NCOA1: variants seen among roughly 807,000 people sequenced by gnomAD.
NCOA1 encodes nuclear receptor coactivator 1, also known as Hin-2 protein.
A neutral mutation model predicts 150.9 loss-of-function variants in NCOA1; 35 were observed. The ratio of observed to expected loss-of-function variants is 0.23; its 90% confidence interval spans 0.18 to 0.31. NCOA1 has a LOEUF of 0.31. NCOA1 is among the 10% of genes least tolerant of loss of function. The probability of loss-of-function intolerance (pLI) is 1.00; values close to 1 mark genes in which losing one functional copy is unlikely to be tolerated. For missense variants in NCOA1, 1,491 were observed against 1,749.3 expected (o/e 0.85, Z 2.63); for synonymous variants, 590 against 630.0 (o/e 0.94, Z 0.95).
chr2:24,536,555 T>G (rs1265079441), intron 1 of NCOA1, among the ~76,000 whole-genome samples: 1 of 152,192 alleles, frequency 6.6e-6, no homozygotes, highest in African/African-American at 2.4e-5. Flanking sequence ...GAAACCAGCT[T>G]TTCTGCTCTG....
In NCOA1 at chr2:24,621,432, A is replaced by ATTTTTTTTTTTT. The variant is rs1162282258; in HGVS notation, c.-174-22512_-174-22501dup. Among the ~76,000 whole-genome samples, 23 of 38,892 alleles carry ATTTTTTTTTTTT rather than the reference A, an allele frequency of 5.9e-4. 4 individuals carry two copies. The highest frequency in any genetic ancestry group is 7.0e-4 in the African/African-American group (6 of 8,606). The allele number at this position is 38,892 out of a possible 152,430, so 25.5% of individuals were successfully genotyped here. A position where few individuals can be genotyped will look rare whatever the true frequency, so the allele number is the denominator to read the frequency against. On this transcript the variant is annotated intron_variant, in intron 3 of 22. Coordinates refer to ENST00000348332, the MANE Select transcript of NCOA1 (RefSeq NM_003743.5). Reference sequence around the variant, plus strand: ...TTGTGTTATGTGTGTATTCAGGCAGATTTTTTTTTTTTTTTTTTTTTTTTT... The same window carrying ATTTTTTTTTTTT: ...TTGTGTTATGTGTGTATTCAGGCAGATTTTTTTTTTTTTTTTTTTTTTTTTTTTTTTTTTTTT...
chr2:24,531,494 C>A (rs566322742), intron 1 of NCOA1, among the ~76,000 whole-genome samples: 67 of 152,224 alleles, frequency 4.4e-4, no homozygotes, highest in African/African-American at 1.6e-3. Flanking sequence ...TACATGTGCA[C>A]ATGTGTACCT....
intron 3 of NCOA1, among the ~76,000 whole-genome samples, chr2:24,610,287 C>A (rs1161247807): frequency 6.6e-6 from 1 of 151,822 alleles, no homozygotes; most frequent in African/African-American, 2.4e-5. Flanking sequence ...CCACGCCCAG[C>A]TAATTTTTTG....
intron 13 of NCOA1, 109 bp from the exon 14 acceptor site, chr2:24,710,822 C>G: frequency 9.4e-7 from 1 of 1,064,636 alleles, no homozygotes; most frequent in Admixed American, 2.5e-5. Flanking sequence ...TCTTCATTAT[C>G]TCAAAGTCAC....
chr2:24,504,253 C>T (rs901740940), intron 1 of NCOA1, among the ~76,000 whole-genome samples: 4 of 152,124 alleles, frequency 2.6e-5, no homozygotes, highest in African/African-American at 9.7e-5. Flanking sequence ...ATGGCATAGT[C>T]CCATGGAACA....
chr2:24,722,502 T>A (rs571678995), intron 14 of NCOA1, among the ~76,000 whole-genome samples: 7 of 152,290 alleles, frequency 4.6e-5, no homozygotes, highest in South Asian at 4.1e-4. Flanking sequence ...CTGTTTTTTT[T>A]AAATCAAAAA....
chr2:24,548,489 C>T (rs1665695531), intron 1 of NCOA1, among the ~76,000 whole-genome samples: 1 of 152,212 alleles, frequency 6.6e-6, no homozygotes, highest in Non-Finnish European at 1.5e-5. Context: ...CATTTCAAAA[C>T]CAATTATGCC....
At chr2:24,765,072 G>T (rs55912599) in intron 22 of NCOA1, among the ~76,000 whole-genome samples, 2,021 of 151,452 alleles carry the variant, frequency 0.013, 20 homozygotes, top group Non-Finnish European at 0.019. Context: ...AGCTATTCAG[G>T]AAGTTGAGAC....
chr2:24,599,834 G>A (rs1354468136), intron 3 of NCOA1, among the ~76,000 whole-genome samples: 5 of 149,360 alleles, frequency 3.3e-5, no homozygotes, highest in South Asian at 4.2e-4. Flanking sequence ...TGTTTTAAGC[G>A]ATTCTCGTGC....
chr2:24,768,198 C>CA, intron 22 of NCOA1, 23 bp from the exon 23 acceptor site: 1 of 1,612,202 alleles, frequency 6.2e-7, no homozygotes, highest in Non-Finnish European at 8.5e-7. Flanking sequence ...TCTGTCTAAA[C>CA]ACATCTTTTA....
intron 14 of NCOA1, chr2:24,711,315 G>A (rs764525205): frequency 2.5e-5 from 12 of 471,490 alleles, no homozygotes; most frequent in Non-Finnish European, 4.2e-5. Flanking sequence ...CTATCCTTTT[G>A]TAATTAATGT....
chr2:24,686,836 C>T (rs1672426001), intron 8 of NCOA1, among the ~76,000 whole-genome samples: 1 of 152,036 alleles, frequency 6.6e-6, no homozygotes, highest in South Asian at 2.1e-4. Context: ...ATTGAACTTG[C>T]TGTTAATTAT....
intron 12 of NCOA1, among the ~76,000 whole-genome samples, chr2:24,706,272 C>G (rs1186608313): frequency 6.6e-6 from 1 of 151,656 alleles, no homozygotes; most frequent in Non-Finnish European, 1.5e-5. Context: ...TTTCCAAAAC[C>G]AAGAAAAATT....
intron 1 of NCOA1, among the ~76,000 whole-genome samples, chr2:24,517,800 A>G (rs1047986274): frequency 3.3e-5 from 5 of 152,204 alleles, no homozygotes; most frequent in African/African-American, 9.6e-5. Context: ...GGGTGTTTCT[A>G]GTGAAAATTA....
At chr2:24,725,757 C>T (rs796619237) in intron 14 of NCOA1, among the ~76,000 whole-genome samples, 20 of 147,270 alleles carry the variant, frequency 1.4e-4, no homozygotes, top group African/African-American at 4.9e-4. Flanking sequence ...GTGTGAGATC[C>T]CAGAATTTTT....
intron 3 of NCOA1, among the ~76,000 whole-genome samples, chr2:24,613,075 C>T (rs546046184): frequency 3.0e-4 from 46 of 152,086 alleles, no homozygotes; most frequent in Admixed American, 2.7e-3. Flanking sequence ...GTTCCTGTCC[C>T]TGTAATATTT....
At chr2:24,698,110 A>G (rs771652441) in intron 11 of NCOA1, among the ~76,000 whole-genome samples, 2 of 152,156 alleles carry the variant, frequency 1.3e-5, no homozygotes, top group Non-Finnish European at 2.9e-5. Context: ...AGTGATGACT[A>G]AAAAAGAAGG....
At chr2:24,711,492 T>G (rs1337773129) in intron 14 of NCOA1, 2 of 157,808 alleles carry the variant, frequency 1.3e-5, no homozygotes, top group Non-Finnish European at 2.8e-5. Flanking sequence ...TAAAATACAC[T>G]GGGCAAATGC....
At chr2:24,708,457 G>A (rs1056433169) in intron 13 of NCOA1, among the ~76,000 whole-genome samples, 2 of 152,054 alleles carry the variant, frequency 1.3e-5, no homozygotes, top group East Asian at 1.9e-4. Context: ...TGAAACAGAC[G>A]TAAATAAAGA....
Sources: allele counts gnomAD v4.1 joint callset (sites outside exome capture counted in the v4.1 genomes callset), GRCh38; gene constraint gnomAD v4.1.1; transcripts MANE v1.5; gene names NCBI Gene and HGNC (gene_info 2026-07-23, HGNC 2026-07-21).